The following GRB14 variants were observed in gnomAD, a reference collection of about 807,000 sequenced individuals.
GRB14 encodes growth factor receptor-bound protein 14.
GRB14 carries 38 observed loss-of-function variants against 69.1 expected under a neutral mutation model. The observed-to-expected ratio is 0.55, with a 90% CI of 0.42 to 0.72. The LOEUF is 0.72. Ranked by LOEUF, GRB14 falls within the 30% of genes least tolerant of loss-of-function variation. The pLI is 0.00. For missense variants in GRB14, 666 were observed against 666.1 expected (o/e 1.00, Z 0.00); for synonymous variants, 247 against 241.3 (o/e 1.02, Z -0.22).
intron 3 of GRB14, among the ~76,000 whole-genome samples, chr2:164,528,800 T>C (rs747328575): frequency 2.6e-5 from 4 of 152,196 alleles, no homozygotes; most frequent in Non-Finnish European, 5.9e-5. Flanking sequence ...CCCATGCTCC[T>C]GTCCTAACTA....
intron 2 of GRB14, among the ~76,000 whole-genome samples, chr2:164,607,811 G>T (rs565769653): frequency 8.5e-4 from 129 of 152,124 alleles, no homozygotes; most frequent in Middle Eastern, 6.8e-3. Flanking sequence ...TAATACACTC[G>T]GAAAATGTGT....
chr2:164,616,266 T>C (rs544432744), intron 2 of GRB14, among the ~76,000 whole-genome samples: 1 of 151,186 alleles, frequency 6.6e-6, no homozygotes, highest in East Asian at 2.0e-4. Context: ...CTACTAAAAA[T>C]ACAAAAAAAA....
At chr2:164,603,122 G>A (rs1435622633) in intron 2 of GRB14, among the ~76,000 whole-genome samples, 1 of 152,106 alleles carries the variant, frequency 6.6e-6, no homozygotes, top group Non-Finnish European at 1.5e-5. Context: ...TGAAGAGTGA[G>A]GGGTATTCAT....
chr2:164,600,908 A>C (rs1335245100), intron 2 of GRB14, among the ~76,000 whole-genome samples: 1 of 152,076 alleles, frequency 6.6e-6, no homozygotes, highest in Non-Finnish European at 1.5e-5. Context: ...GCTAATAGTG[A>C]CCACACAACA....
rs1308838880 is a variant in GRB14, at chr2:164,492,773, ATAT to A, written c.*260_*262del. ...TTTTAAATATGCATATTTGAAGAAA[ATAT>A]TATAGCAATGTAAAAATCACACAAG... is the stretch of plus-strand genomic sequence containing the variant. On this transcript the variant is annotated 3_prime_UTR_variant, in exon 14 of 14. Coordinates refer to ENST00000263915, the MANE Select transcript of GRB14 (RefSeq NM_004490.3). The A allele has an allele frequency of 6.8e-6, 2 of 293,772 alleles. No individual in the cohort carries two copies. Among genetic ancestry groups the A allele is most frequent in the African/African-American group, 4.3e-5 (2 of 46,216 alleles). The allele number at this position is 293,772 out of a possible 1,614,324, so 18.2% of individuals were successfully genotyped here.
Position 164,515,216 on chromosome 2 carries a change from G to A in GRB14, c.817-6364C>T, listed in dbSNP as rs530295977. 4.6e-5 allele frequency among the ~76,000 whole-genome samples: 7 copies of A among 152,250 alleles called. No individual in the cohort carries two copies. The South Asian group carries it at 1.0e-3, about 23-fold the overall frequency. ...CTCCTTGTACTACTGCAGCTGATAT[G>A]CTCTTGACAGTGCCAACTCCGGGCT... On this transcript the variant is annotated intron_variant, in intron 6 of 13. Transcript: ENST00000263915.
chr2:164,587,478 C>T (rs1689565660), intron 2 of GRB14, among the ~76,000 whole-genome samples: 2 of 152,132 alleles, frequency 1.3e-5, no homozygotes, highest in African/African-American at 4.8e-5. Context: ...TTTATTGGAA[C>T]AATGTAGCCC....
chr2:164,497,305 A>G (rs1424492365), intron 10 of GRB14, 22 bp from the exon 11 acceptor site: 1 of 1,610,326 alleles, frequency 6.2e-7, no homozygotes, highest in African/African-American at 1.3e-5. Flanking sequence ...AGGAGAAAAC[A>G]AATCTCAAGT....
At chr2:164,528,675 C>A (rs1247675477) in intron 3 of GRB14, among the ~76,000 whole-genome samples, 1 of 152,024 alleles carries the variant, frequency 6.6e-6, no homozygotes, top group African/African-American at 2.4e-5. Context: ...TCTCCTCCTA[C>A]AATCTTGGTT....
chr2:164,611,043 A>T (rs1326602997), intron 2 of GRB14, among the ~76,000 whole-genome samples: 1 of 152,076 alleles, frequency 6.6e-6, no homozygotes, highest in African/African-American at 2.4e-5. Context: ...AGCCTTGGAG[A>T]TAGAAAAAAA....
chr2:164,551,295 C>T (rs1025023463), intron 2 of GRB14, among the ~76,000 whole-genome samples: 1 of 152,124 alleles, frequency 6.6e-6, no homozygotes, highest in African/African-American at 2.4e-5. Flanking sequence ...AACCTTGGCA[C>T]ACACTTCCTT....
chr2:164,547,535 G>C (rs1425109954), intron 3 of GRB14, 125 bp downstream of exon 3: 1 of 653,408 alleles, frequency 1.5e-6, no homozygotes, highest in Non-Finnish European at 2.5e-6. Flanking sequence ...AAAAGGAACT[G>C]GGATCACCTA....
chr2:164,614,966 A>G, intron 2 of GRB14, among the ~76,000 whole-genome samples: 1 of 152,194 alleles, frequency 6.6e-6, no homozygotes, highest in Admixed American at 6.5e-5. Context: ...ATGGAAAACT[A>G]ATTTTTTAAT....
chr2:164,565,643 C>A (rs1039079115), intron 2 of GRB14, among the ~76,000 whole-genome samples: 1 of 152,066 alleles, frequency 6.6e-6, no homozygotes, highest in Non-Finnish European at 1.5e-5. Context: ...GAGAAAAATG[C>A]GATGAGGTAA....
At chr2:164,529,727 A>G (rs191289024) in intron 3 of GRB14, among the ~76,000 whole-genome samples, 2 of 152,292 alleles carry the variant, frequency 1.3e-5, no homozygotes, top group African/African-American at 4.8e-5. Context: ...CTAATCTTCA[A>G]GCCTCTACTT....
At chr2:164,508,039 T>A (rs1248186183) in intron 8 of GRB14, among the ~76,000 whole-genome samples, 1 of 152,208 alleles carries the variant, frequency 6.6e-6, no homozygotes, top group African/African-American at 2.4e-5. Flanking sequence ...AAGCAATTTA[T>A]AAAACACGAA....
At chr2:164,616,904 A>C (rs942529307) in intron 2 of GRB14, among the ~76,000 whole-genome samples, 1 of 152,246 alleles carries the variant, frequency 6.6e-6, no homozygotes, top group Non-Finnish European at 1.5e-5. Flanking sequence ...AGTCACTTAC[A>C]TCATCTCAAC....
chr2:164,515,399 C>T (rs2105275045), intron 6 of GRB14, among the ~76,000 whole-genome samples: 1 of 152,326 alleles, frequency 6.6e-6, no homozygotes, highest in Non-Finnish European at 1.5e-5. Context: ...TCTCTGCAGA[C>T]ACTCTCCAGT....
At chr2:164,573,619 T>C in intron 2 of GRB14, 1 of 1,371,418 alleles carries the variant, frequency 7.3e-7, no homozygotes, top group Non-Finnish European at 1.0e-6. Flanking sequence ...TATTATTTCA[T>C]CTTTCTTTAA....
Sources: allele counts gnomAD v4.1 joint callset (sites outside exome capture counted in the v4.1 genomes callset), GRCh38; gene constraint gnomAD v4.1.1; transcripts MANE v1.5; gene names NCBI Gene and HGNC (gene_info 2026-07-23, HGNC 2026-07-21).